The following ZFYVE28 variants were observed in gnomAD, a reference collection of about 807,000 sequenced individuals.
ZFYVE28 encodes lateral signaling target protein 2 homolog.
A neutral mutation model predicts 82.1 loss-of-function variants in ZFYVE28; 40 were observed. That is an observed-to-expected ratio of 0.49 (90% CI 0.38 to 0.63). ZFYVE28 has a LOEUF of 0.63. Ranked by LOEUF, ZFYVE28 falls within the 30% of genes least tolerant of loss-of-function variation. ZFYVE28 has a pLI of 0.00. For missense variants in ZFYVE28, 1,321 were observed against 1,242.1 expected, an observed-to-expected ratio of 1.06 and a Z score of -0.96; for synonymous variants, 612 against 546.1, an observed-to-expected ratio of 1.12 and a Z score of -1.68.
chr4:2,355,844 C>T (rs1006217724), intron 1 of ZFYVE28, among the ~76,000 whole-genome samples: 9 of 152,176 alleles, frequency 5.9e-5, no homozygotes, highest in Non-Finnish European at 7.4e-5. Context: ...CCCAAAGTTG[C>T]GGAGATTATA....
In ZFYVE28 at chr4:2,305,179, T is replaced by C; in HGVS notation, c.1161A>G (p.Arg387=). The change falls in exon 8 of 13, where the codon AGA becomes AGG. Residue 387 remains arginine (R), a synonymous_variant. Coordinates refer to ENST00000290974, the MANE Select transcript of ZFYVE28 (RefSeq NM_020972.3). ...CGTCACTGCCTGACCGCAGGCGCGG[T>C]CTACCTGGAGAGGCCTCCCCGCCTG... The part of the protein sequence containing the change: ...GSPGGEASPG[R]PRLRSGSDEE... The C allele has an allele frequency of 6.3e-7, 1 of 1,596,762 alleles. No homozygotes were observed. The highest frequency in any genetic ancestry group is 8.6e-7 in the Non-Finnish European group (1 of 1,169,086).
intron 6 of ZFYVE28, among the ~76,000 whole-genome samples, chr4:2,333,571 C>T (rs115212066): frequency 6.6e-6 from 1 of 152,072 alleles, no homozygotes; most frequent in Non-Finnish European, 1.5e-5. Flanking sequence ...CCTGCACACT[C>T]CAGGCCCGAC....
At chr4:2,298,949 G>A (rs1050983055) in intron 8 of ZFYVE28, among the ~76,000 whole-genome samples, 11 of 152,058 alleles carry the variant, frequency 7.2e-5, no homozygotes, top group African/African-American at 1.9e-4. Flanking sequence ...AACATTCCCC[G>A]GCCCCACCAC....
At chr4:2,293,913 A>G (rs1714140659) in intron 8 of ZFYVE28, among the ~76,000 whole-genome samples, 1 of 152,306 alleles carries the variant, frequency 6.6e-6, no homozygotes. Context: ...GATGTGCAAG[A>G]CCTGTACAGT....
At position 2,417,184 on chromosome 4, in the gene ZFYVE28, T is replaced by C. The variant is rs1425680673; in HGVS notation, c.39+1101A>G. Among the ~76,000 whole-genome samples the C allele has an allele frequency of 1.3e-5, 2 of 152,038 alleles. No individual in the cohort carries two copies. Among genetic ancestry groups the C allele is most frequent in the Non-Finnish European group, 2.9e-5 (2 of 67,950 alleles). ...CGAAGCGCTGGCCCCACTCCCGCCC[T>C]TGGTCGCCGCGGTGACCCCACCCGA... On this transcript the variant is annotated intron_variant, in intron 1 of 12. Transcript: ENST00000290974. This position sits in a 1 kb window ranked among gnomAD's most constrained non-coding sequence, Gnocchi z 4.8.
Position 2,399,624 on chromosome 4 carries a change from T to C in ZFYVE28, c.39+18661A>G, listed in dbSNP as rs796965133. Among the ~76,000 whole-genome samples, 32 of 152,276 alleles carry C rather than the reference T, an allele frequency of 2.1e-4. 1 individual carries two copies. Among genetic ancestry groups the C allele is most frequent in the African/African-American group, 7.5e-4 (31 of 41,564 alleles). ...TGACTGTTTTAACTCCGTGCCCGTT[T>C]TGAGAGGGTCAGGGAGGGGATCACT... On this transcript the variant is annotated intron_variant, in intron 1 of 12. Coordinates refer to ENST00000290974, the MANE Select transcript of ZFYVE28 (RefSeq NM_020972.3).
In ZFYVE28 at chr4:2,304,558, C is replaced by A; in HGVS notation, c.1782G>T (p.Ser594=). ...TGGCCTTGGCTAAGCCGGCAGCGTA[C>A]GAGGCACCAATGACGCCTCCCGGGC... The part of the protein sequence containing the change: ...KCSPGGVIGA[S]YAAGLAKASD... Residue 594 remains serine, a synonymous_variant, in exon 8 of 13, where the codon TCG becomes TCT. Transcript: ENST00000290974. The A allele has an allele frequency of 6.2e-7, 1 of 1,612,764 alleles. No homozygotes were observed.
chr4:2,392,820 G>A (rs1729978184), intron 1 of ZFYVE28, among the ~76,000 whole-genome samples: 1 of 152,174 alleles, frequency 6.6e-6, no homozygotes. Context: ...AATATTTAAA[G>A]TGGCATCAGT....
intron 1 of ZFYVE28, among the ~76,000 whole-genome samples, chr4:2,369,747 G>A (rs1006208593): frequency 1.7e-4 from 25 of 151,508 alleles, no homozygotes; most frequent in Admixed American, 1.1e-3. Flanking sequence ...GGCAAGGAGC[G>A]ACCCTCCCTC....
At chr4:2,327,988 A>C (rs1486345861) in intron 6 of ZFYVE28, among the ~76,000 whole-genome samples, 1 of 152,220 alleles carries the variant, frequency 6.6e-6, no homozygotes, top group Non-Finnish European at 1.5e-5. Flanking sequence ...CATTATGGAA[A>C]ACAGTATAGA....
At chr4:2,285,947 C>G (rs943555613) in intron 8 of ZFYVE28, 11 of 152,370 alleles carry the variant, frequency 7.2e-5, no homozygotes, top group African/African-American at 2.7e-4. Flanking sequence ...TCTTGGAGCA[C>G]CCTCCAATGT....
At chr4:2,322,275 G>A (rs941206260) in intron 6 of ZFYVE28, among the ~76,000 whole-genome samples, 1 of 152,182 alleles carries the variant, frequency 6.6e-6, no homozygotes, top group African/African-American at 2.4e-5. Context: ...CCTGGCACTT[G>A]CAGGAATCCG....
rs772507744 is a variant in ZFYVE28 at position 2,304,750 on chromosome 4, C to T, written c.1590G>A (p.Ala530=). The part of the protein sequence containing the change: ...NPKSPTSLDS[A]VATQEAASEP... ...CCGAGGCGGCCTCCTGGGTGGCGAC[C>T]GCAGAGTCCAGGGAAGTGGGCGATT... Residue 530 remains alanine, a synonymous_variant, in exon 8 of 13, where the codon GCG becomes GCA. Transcript: ENST00000290974. 33 of 1,612,584 alleles carry T rather than the reference C, an allele frequency of 2.0e-5. No individual in the cohort carries two copies. The highest frequency in any genetic ancestry group is 2.3e-5 in the Non-Finnish European group (27 of 1,179,964).
intron 8 of ZFYVE28, among the ~76,000 whole-genome samples, chr4:2,293,535 C>T (rs897279190): frequency 2.6e-5 from 4 of 151,964 alleles, no homozygotes; most frequent in African/African-American, 9.7e-5. Flanking sequence ...AGGTGGATCA[C>T]GAGGTCAGGA....
At chr4:2,325,984 G>A (rs1469948517) in intron 6 of ZFYVE28, among the ~76,000 whole-genome samples, 1 of 152,198 alleles carries the variant, frequency 6.6e-6, no homozygotes, top group African/African-American at 2.4e-5. Context: ...TGTATGAATT[G>A]TAAATATTTT....
intron 1 of ZFYVE28, among the ~76,000 whole-genome samples, chr4:2,415,008 A>G (rs551979173): frequency 6.6e-6 from 1 of 152,390 alleles, no homozygotes; most frequent in East Asian, 1.9e-4. Context: ...GGGAGTGTTC[A>G]AAGTCAGGAT....
Position 2,341,442 on chromosome 4 carries a change from C to T in ZFYVE28, c.318+36G>A, listed in dbSNP as rs758839820. ...AGGGACTTGGCTAGACGCCACCCCA[C>T]ATCAGGACCTCCGAACCCGGGTGGC... On this transcript the variant is annotated intron_variant, in intron 3 of 12. Transcript: ENST00000290974. The surrounding 1 kb of genome is among the most constrained non-coding windows in gnomAD (Gnocchi z 4.5). 125 of 1,609,744 alleles carry T rather than the reference C, an allele frequency of 7.8e-5. No homozygotes were observed. The highest frequency in any genetic ancestry group is 1.3e-4 in the East Asian group (6 of 44,794).
intron 1 of ZFYVE28, among the ~76,000 whole-genome samples, chr4:2,356,997 A>G (rs1189323320): frequency 1.3e-5 from 2 of 152,142 alleles, no homozygotes; most frequent in Admixed American, 6.5e-5. Context: ...GGCTCAAGCA[A>G]TCATCCCATC....
rs1434132323 is a variant in ZFYVE28, at chr4:2,300,765, C to T, written c.2051+3524G>A. 6.6e-6 allele frequency among the ~76,000 whole-genome samples: 1 copy of T among 152,144 alleles called. No individual in the cohort carries two copies. Among genetic ancestry groups the T allele is most frequent in the African/African-American group, 2.4e-5 (1 of 41,418 alleles). On this transcript the variant is annotated intron_variant, in intron 8 of 12. Coordinates refer to ENST00000290974, the MANE Select transcript of ZFYVE28 (RefSeq NM_020972.3). This position sits in a 1 kb window ranked among gnomAD's most constrained non-coding sequence, Gnocchi z 4.6. Reference sequence around the variant, plus strand: ...CCTTCATTTGCAGTACACGGAGACGCGACTCGCACGTGAGACTGGAAGCCG... The same window carrying T: ...CCTTCATTTGCAGTACACGGAGACGTGACTCGCACGTGAGACTGGAAGCCG...
Sources: gnomAD v4.1 joint callset for allele counts (sites outside exome capture counted in the v4.1 genomes callset) on GRCh38, gnomAD v4.1.1 for gene constraint, Gnocchi (gnomAD v3.1) non-coding constraint, MANE v1.5 for transcripts, NCBI Gene and HGNC (gene_info 2026-07-23, HGNC 2026-07-21) for gene names.